The following SDHAF3 variants were observed in gnomAD, a reference collection of about 807,000 sequenced individuals.
SDHAF3 encodes the protein succinate dehydrogenase assembly factor 3, mitochondrial.
SDHAF3 carries 18 observed loss-of-function variants against 11.5 expected under a neutral mutation model. That is an observed-to-expected ratio of 1.56 (90% CI 1.08 to 2.32). SDHAF3 has a LOEUF of 2.32. Among genes scored for constraint, SDHAF3 ranks in the 30% most tolerant of loss-of-function variants. SDHAF3 has a pLI of 0.00. For missense variants in SDHAF3, 200 were observed against 154.4 expected, an observed-to-expected ratio of 1.30 and a Z score of -1.57; for synonymous variants, 72 against 59.3, an observed-to-expected ratio of 1.21 and a Z score of -0.99.
chr7:97,161,120 A>G (rs1305755885), intron 1 of SDHAF3, among the ~76,000 whole-genome samples: 3 of 152,156 alleles, frequency 2.0e-5, no homozygotes, highest in Admixed American at 1.3e-4. Context: ...CTGGGTCCCA[A>G]TCAGCCACTC....
chr7:97,125,440 G>T (rs1791560417), intron 1 of SDHAF3, among the ~76,000 whole-genome samples: 1 of 151,812 alleles, frequency 6.6e-6, no homozygotes, highest in African/African-American at 2.4e-5. Flanking sequence ...TGTTCTCATT[G>T]GTTTCAAAGA....
rs11976630 is a variant in SDHAF3 at position 97,138,587 on chromosome 7, A to G, written c.174+20690A>G. Among the ~76,000 whole-genome samples the G allele has an allele frequency of 9.5e-3, 1,424 of 150,062 alleles. 21 individuals are homozygous for G. Among genetic ancestry groups the G allele is most frequent in the African/African-American group, 0.033 (1,335 of 40,926 alleles). On this transcript the variant is annotated intron_variant, in intron 1 of 1. Transcript: ENST00000432641. ...TTTAATGATTATCTGACGTTGATTAACATCTAGCCACTTACTCTGTGACCT... is the reference window on the plus strand; with the variant it reads ...TTTAATGATTATCTGACGTTGATTAGCATCTAGCCACTTACTCTGTGACCT...
chr7:97,156,116 T>G (rs1303427679), intron 1 of SDHAF3, among the ~76,000 whole-genome samples: 1 of 152,254 alleles, frequency 6.6e-6, no homozygotes, highest in Non-Finnish European at 1.5e-5. Flanking sequence ...GACCTTTTTC[T>G]GTTCCAGGAT....
chr7:97,132,695 G>A (rs765758149), intron 1 of SDHAF3, among the ~76,000 whole-genome samples: 1 of 152,164 alleles, frequency 6.6e-6, no homozygotes, highest in Non-Finnish European at 1.5e-5. Flanking sequence ...GTAGGATTGG[G>A]AGGGGATATA....
intron 1 of SDHAF3, among the ~76,000 whole-genome samples, chr7:97,134,505 G>A (rs527555339): frequency 3.9e-5 from 6 of 152,284 alleles, no homozygotes; most frequent in Non-Finnish European, 8.8e-5. Context: ...GGAGTGCAGT[G>A]GCATGATCTT....
At chr7:97,126,878 G>A (rs919874044) in intron 1 of SDHAF3, among the ~76,000 whole-genome samples, 3 of 150,596 alleles carry the variant, frequency 2.0e-5, no homozygotes, top group East Asian at 2.0e-4. Context: ...CAGCTAGCTC[G>A]GTGTCTGCCC....
In SDHAF3 at chr7:97,142,042, C is replaced by CTTTTTTT. The variant is rs71131003; in HGVS notation, c.174+24168_174+24174dup. 7.6e-4 allele frequency among the ~76,000 whole-genome samples: 47 copies of CTTTTTTT among 61,696 alleles called. 9 individuals carry two copies. In the East Asian group the frequency reaches 0.011, roughly 14 times the overall value. 40.5% of individuals were successfully genotyped at this position (61,696 alleles called of 152,430 possible). ...AGCAATGAAATGTGTGAATTGTTGT[C>CTTTTTTT]TTTTTTTTTTTTTTTTTTTTTTTTT... On this transcript the variant is annotated intron_variant, in intron 1 of 1. Coordinates refer to ENST00000432641, the MANE Select transcript of SDHAF3 (RefSeq NM_020186.3).
intron 1 of SDHAF3, among the ~76,000 whole-genome samples, chr7:97,156,284 T>C (rs1789300634): frequency 6.6e-6 from 1 of 152,206 alleles, no homozygotes; most frequent in Admixed American, 6.5e-5. Flanking sequence ...TTCTCTAATG[T>C]CTTTCTCATG....
chr7:97,173,983 A>C lies in SDHAF3; in HGVS notation c.175-7029A>C, dbSNP rs367926103. Reference sequence around the variant, plus strand: ...TCACCAGGCTGGAGTGCAGTGGCACAATCTCGGCTCACTGCAACCTCCGAC... The same window carrying C: ...TCACCAGGCTGGAGTGCAGTGGCACCATCTCGGCTCACTGCAACCTCCGAC... On this transcript the variant is annotated intron_variant, in intron 1 of 1. Transcript: ENST00000432641. Among the ~76,000 whole-genome samples, 6 of 150,942 alleles carry C rather than the reference A, an allele frequency of 4.0e-5. No individual in the cohort carries two copies. In the East Asian group the frequency reaches 7.8e-4, roughly 20 times the overall value.
intron 1 of SDHAF3, chr7:97,134,876 CAT>C (rs1584213061): frequency 2.6e-5 from 4 of 152,306 alleles, no homozygotes; most frequent in African/African-American, 4.8e-5. Flanking sequence ...GAGAAACTGA[CAT>C]GTGATCATAT....
intron 1 of SDHAF3, chr7:97,136,246 GA>G: frequency 2.3e-6 from 1 of 434,028 alleles, no homozygotes; most frequent in Non-Finnish European, 4.1e-6. Context: ...GATTTTTTTT[GA>G]AACATAACTT....
chr7:97,131,671 G>C (rs1791672876), intron 1 of SDHAF3, among the ~76,000 whole-genome samples: 1 of 152,084 alleles, frequency 6.6e-6, no homozygotes, highest in South Asian at 2.1e-4. Flanking sequence ...AAATTATAAA[G>C]ACAAATAGAA....
intron 1 of SDHAF3, among the ~76,000 whole-genome samples, chr7:97,157,963 G>A (rs1184511174): frequency 1.6e-5 from 2 of 121,310 alleles, no homozygotes; most frequent in African/African-American, 3.1e-5. Flanking sequence ...GGGGCCTGTT[G>A]TGGGGTGGGG....
At chr7:97,120,018 C>T (rs1050958534) in intron 1 of SDHAF3, among the ~76,000 whole-genome samples, 1 of 152,114 alleles carries the variant, frequency 6.6e-6, no homozygotes, top group Admixed American at 6.5e-5. Context: ...TGTAAACTTA[C>T]TATTTTCTCT....
chr7:97,150,552 T>C (rs1386789671), intron 1 of SDHAF3, among the ~76,000 whole-genome samples: 2 of 145,082 alleles, frequency 1.4e-5, no homozygotes, highest in African/African-American at 5.1e-5. Flanking sequence ...TTGAAAGGAA[T>C]CTTTTTTTCC....
intron 1 of SDHAF3, among the ~76,000 whole-genome samples, chr7:97,152,745 G>T (rs1029880597): frequency 6.6e-6 from 1 of 152,180 alleles, no homozygotes; most frequent in Admixed American, 6.5e-5. Flanking sequence ...TGCCTCCCAG[G>T]TTCAAGCGAT....
chr7:97,151,827 G>A (rs538467139), intron 1 of SDHAF3, among the ~76,000 whole-genome samples: 27 of 152,050 alleles, frequency 1.8e-4, no homozygotes, highest in Non-Finnish European at 3.4e-4. Flanking sequence ...CCTGTGGTAC[G>A]GTCTTTCCAG....
chr7:97,117,878 G>A lies in SDHAF3; in HGVS notation c.155G>A (p.Arg52His). The A allele has an allele frequency of 1.2e-6, 2 of 1,614,138 alleles. No individual in the cohort carries two copies. Among genetic ancestry groups the A allele is most frequent in the Admixed American group, 1.7e-5 (1 of 60,024 alleles). The change falls in exon 1 of 2, where the codon CGT becomes CAT. Residue 52 changes from arginine (R) to histidine (H), a missense_variant. Coordinates refer to ENST00000432641, the MANE Select transcript of SDHAF3 (RefSeq NM_020186.3). Reference sequence around the variant, plus strand: ...ACCGTTGGTTCTGACGAGGCACAGCGTTTCTTGCAAGAATGGGAGGCAAGT... The same window carrying A: ...ACCGTTGGTTCTGACGAGGCACAGCATTTCTTGCAAGAATGGGAGGCAAGT... ...HKTVGSDEAQ[R>H]FLQEWEVYAT... is the part of the protein sequence containing the mutation.
intron 1 of SDHAF3, among the ~76,000 whole-genome samples, chr7:97,175,155 T>C (rs1261303346): frequency 5.5e-4 from 83 of 152,228 alleles, no homozygotes; most frequent in Non-Finnish European, 5.9e-5. Context: ...AAATCTAATA[T>C]AGTTCATTTC....
Sources: gnomAD v4.1 joint callset for allele counts (sites outside exome capture counted in the v4.1 genomes callset) on GRCh38, gnomAD v4.1.1 for gene constraint, MANE v1.5 for transcripts, NCBI Gene and HGNC (gene_info 2026-07-23, HGNC 2026-07-21) for gene names.